The following CCDC7 variants were observed in gnomAD, a reference collection of about 807,000 sequenced individuals.
CCDC7 encodes the protein coiled-coil domain-containing protein 7.
CCDC7 carries 183 observed loss-of-function variants against 196.9 expected under a neutral mutation model. The ratio of observed to expected loss-of-function variants is 0.93; its 90% CI spans 0.82 to 1.05. CCDC7 has a LOEUF of 1.05. CCDC7 is among the 50% of genes least tolerant of loss of function. The probability of loss-of-function intolerance (pLI) is 0.00; values close to 1 mark genes in which losing one functional copy is unlikely to be tolerated. For missense variants in CCDC7, 1,540 were observed against 1,482.2 expected (o/e 1.04, Z -0.64); for synonymous variants, 525 against 484.6 (o/e 1.08, Z -1.10).
chr10:32,550,286 T>C (rs950663510), intron 13 of CCDC7, among the ~76,000 whole-genome samples: 6 of 152,146 alleles, frequency 3.9e-5, no homozygotes, highest in African/African-American at 1.4e-4. Context: ...TGCTGAATTC[T>C]TTTATCAGTT....
At chr10:32,580,038 G>GC (rs2058597425) in intron 16 of CCDC7, among the ~76,000 whole-genome samples, 1 of 152,054 alleles carries the variant, frequency 6.6e-6, no homozygotes, top group East Asian at 1.9e-4. Context: ...GAAGGACCTT[G>GC]AGAGTCTCTG....
chr10:32,464,121 C>A (rs549000740), intron 5 of CCDC7, among the ~76,000 whole-genome samples: 1 of 152,286 alleles, frequency 6.6e-6, no homozygotes, highest in Non-Finnish European at 1.5e-5. Flanking sequence ...AAAACCCTGG[C>A]TTCTCACTTT....
chr10:32,484,011 A>T, intron 8 of CCDC7, among the ~76,000 whole-genome samples: 1 of 152,286 alleles, frequency 6.6e-6, no homozygotes, highest in Admixed American at 6.5e-5. Flanking sequence ...ACTTTAAAGT[A>T]GTTTTTTCGA....
At chr10:32,518,921 A>T (rs1340141740) in intron 11 of CCDC7, among the ~76,000 whole-genome samples, 2 of 152,160 alleles carry the variant, frequency 1.3e-5, no homozygotes, top group Non-Finnish European at 2.9e-5. Flanking sequence ...GTATTTTATT[A>T]TTCTCTTTGC....
chr10:32,856,136 T>C (rs145536183), intron 41 of CCDC7, among the ~76,000 whole-genome samples: 5,835 of 152,070 alleles, frequency 0.038, 116 homozygotes, highest in Middle Eastern at 0.051. Context: ...GAAGAAAACA[T>C]AGGAGAAAAC....
At chr10:32,748,088 A>C (rs1311418424) in intron 28 of CCDC7, among the ~76,000 whole-genome samples, 3 of 152,222 alleles carry the variant, frequency 2.0e-5, no homozygotes, top group Admixed American at 2.0e-4. Context: ...AGCAGCCATT[A>C]TCCTAAGCAA....
At chr10:32,680,530 A>T (rs573740114) in intron 21 of CCDC7, among the ~76,000 whole-genome samples, 2 of 151,990 alleles carry the variant, frequency 1.3e-5, no homozygotes, top group Non-Finnish European at 2.9e-5. Flanking sequence ...TGCTGCTCCC[A>T]TCAACTCGTC....
exon 9 of CCDC7, chr10:32,491,947 A>G: frequency 6.3e-7 from 1 of 1,579,264 alleles, no homozygotes; most frequent in Non-Finnish European, 8.6e-7. Context: ...TGACTAATCG[A>G]TTTAATGCCA....
chr10:32,557,709 G>C (rs1331276243), intron 13 of CCDC7, among the ~76,000 whole-genome samples: 1 of 151,520 alleles, frequency 6.6e-6, no homozygotes, highest in Admixed American at 6.6e-5. Context: ...TTTTTTTAAA[G>C]AGACATTGTC....
intron 21 of CCDC7, 26 bp from the exon 23 acceptor site, chr10:32,685,944 G>A: frequency 9.4e-7 from 1 of 1,066,368 alleles, no homozygotes; most frequent in Non-Finnish European, 1.3e-6. Flanking sequence ...TCTATTTAGT[G>A]GAATAAATGT....
At chr10:32,668,246 C>G (rs1218765644) in intron 21 of CCDC7, among the ~76,000 whole-genome samples, 1 of 151,986 alleles carries the variant, frequency 6.6e-6, no homozygotes, top group East Asian at 1.9e-4. Context: ...CTGAAGTTGC[C>G]TATCAGCTTA....
chr10:32,443,610 T>C (rs2030462512), upstream of CCDC7, among the ~76,000 whole-genome samples: 1 of 152,232 alleles, frequency 6.6e-6, no homozygotes, highest in Non-Finnish European at 1.5e-5. Flanking sequence ...CTGTTTAAAA[T>C]CAATTGACTT....
chr10:32,662,604 A>T (rs962203321), intron 20 of CCDC7, among the ~76,000 whole-genome samples: 5 of 152,262 alleles, frequency 3.3e-5, no homozygotes, highest in African/African-American at 1.2e-4. Flanking sequence ...GAGCAACTAG[A>T]GCCATAGATG....
chr10:32,857,137 G>C (rs151322123), intron 41 of CCDC7, among the ~76,000 whole-genome samples: 1 of 152,230 alleles, frequency 6.6e-6, no homozygotes, highest in East Asian at 1.9e-4. Context: ...CCTTTACACT[G>C]AGAAATGGAC....
At chr10:32,808,089 G>A (rs1035164727) in intron 30 of CCDC7, among the ~76,000 whole-genome samples, 1 of 152,078 alleles carries the variant, frequency 6.6e-6, no homozygotes, top group Admixed American at 6.5e-5. Context: ...CTGAGAACAG[G>A]CTCTCCCTGA....
intron 29 of CCDC7, among the ~76,000 whole-genome samples, chr10:32,803,172 ACTTGATCTTAG>A: frequency 6.6e-6 from 1 of 152,254 alleles, no homozygotes; most frequent in East Asian, 1.9e-4. Context: ...TGTATTCTGC[ACTTGATCTTAG>A]CCAAAAGGCG....
chr10:32,623,957 A>G, intron 18 of CCDC7: 1 of 298,062 alleles, frequency 3.4e-6, no homozygotes, highest in South Asian at 2.7e-5. Context: ...GTATAATCCA[A>G]ACACCTCCCA....
chr10:32,609,857 T>C (rs77435957), intron 18 of CCDC7, among the ~76,000 whole-genome samples: 4,278 of 152,272 alleles, frequency 0.028, 220 homozygotes, highest in African/African-American at 0.097. Flanking sequence ...CTTCAACTTC[T>C]GCCATGATTG....
chr10:32,876,198 T>C (rs900135748), intron 41 of CCDC7, 149 bp from the exon 43 acceptor site: 1 of 570,614 alleles, frequency 1.8e-6, no homozygotes, highest in African/African-American at 1.9e-5. Context: ...ATAAAAACAA[T>C]AGGTAGGTAG....
Sources: allele counts gnomAD v4.1 joint callset (sites outside exome capture counted in the v4.1 genomes callset), GRCh38; gene constraint gnomAD v4.1.1; transcripts MANE v1.5; gene names NCBI Gene and HGNC (gene_info 2026-07-23, HGNC 2026-07-21).